The following DCTN4 variants were observed in gnomAD, a reference collection of about 807,000 sequenced individuals.
DCTN4 encodes dynactin 4 (p62).
A neutral mutation model predicts 62.7 loss-of-function variants in DCTN4; 23 were observed. That is an observed-to-expected ratio of 0.37 (90% CI 0.26 to 0.52). DCTN4 has a LOEUF of 0.52. DCTN4 is among the 20% of genes least tolerant of loss of function. The probability of loss-of-function intolerance (pLI) is 0.92; values close to 1 mark genes in which losing one functional copy is unlikely to be tolerated. For synonymous variants in DCTN4, 199 were observed against 202.1 expected (o/e 0.98, Z 0.13); for missense variants, 514 against 580.4 (o/e 0.89, Z 1.18).
In DCTN4 at chr5:150,744,896, A is replaced by C. The variant is rs374587638; in HGVS notation, c.386-2739T>G. On this transcript the variant is annotated intron_variant, in intron 3 of 12. Transcript: ENST00000447998. ...AACTGCATCAACTAACGAGCAAAAT[A>C]ACCAGCTAACATCATCATGACAGGA... Among the ~76,000 whole-genome samples, 44 of 151,800 alleles carry C rather than the reference A, an allele frequency of 2.9e-4. 1 individual carries two copies. Among genetic ancestry groups the C allele is most frequent in the East Asian group, 1.9e-3 (10 of 5,144 alleles).
intron 3 of DCTN4, among the ~76,000 whole-genome samples, chr5:150,743,902 A>T (rs10053143): frequency 0.14 from 20,681 of 152,198 alleles, 2,409 homozygotes; most frequent in African/African-American, 0.31. Flanking sequence ...TCCAAAGGAA[A>T]GCAGCTCCTC....
intron 5 of DCTN4, chr5:150,731,798 T>G: frequency 1.6e-6 from 2 of 1,248,768 alleles, no homozygotes; most frequent in Admixed American, 2.0e-5. Context: ...GTGGAGTGTC[T>G]AAGATACACA....
At chr5:150,732,500 A>C (rs1330344157) in intron 5 of DCTN4, among the ~76,000 whole-genome samples, 1 of 152,180 alleles carries the variant, frequency 6.6e-6, no homozygotes, top group Non-Finnish European at 1.5e-5. Context: ...GGTTTCAATG[A>C]CTTAACTAAT....
chr5:150,723,540 C>T (rs1760028728), intron 8 of DCTN4, among the ~76,000 whole-genome samples: 1 of 152,202 alleles, frequency 6.6e-6, no homozygotes, highest in Non-Finnish European at 1.5e-5. Flanking sequence ...ACAATCAAAG[C>T]TCACTACAGC....
At chr5:150,754,104 C>T (rs796357241) in intron 2 of DCTN4, among the ~76,000 whole-genome samples, 45 of 152,330 alleles carry the variant, frequency 3.0e-4, no homozygotes, top group African/African-American at 1.0e-3. Flanking sequence ...AGAAAGCAAA[C>T]AATGCTATCA....
At chr5:150,745,082 A>G (rs1760911425) in intron 3 of DCTN4, among the ~76,000 whole-genome samples, 1 of 150,632 alleles carries the variant, frequency 6.6e-6, no homozygotes, top group African/African-American at 2.5e-5. Flanking sequence ...CTCAAAATAA[A>G]AGGATGGAGG....
chr5:150,755,046 A>T (rs962547347), intron 2 of DCTN4, among the ~76,000 whole-genome samples: 1 of 152,142 alleles, frequency 6.6e-6, no homozygotes, highest in African/African-American at 2.4e-5. Flanking sequence ...GATCAAAGTA[A>T]TGAACAGAGA....
chr5:150,753,806 T>A, intron 2 of DCTN4, 149 bp from the exon 3 acceptor site: 1 of 721,514 alleles, frequency 1.4e-6, no homozygotes, highest in Non-Finnish European at 2.2e-6. Flanking sequence ...TCAAGAGTAC[T>A]ATATGTTCAT....
intron 3 of DCTN4, among the ~76,000 whole-genome samples, chr5:150,749,693 T>C (rs574387907): frequency 6.6e-6 from 1 of 152,114 alleles, no homozygotes; most frequent in East Asian, 1.9e-4. Flanking sequence ...TGGCAGCTTC[T>C]AGACAAATTA....
chr5:150,748,380 G>C lies in DCTN4; in HGVS notation c.385+5099C>G, dbSNP rs571745427. On this transcript the variant is annotated intron_variant, in intron 3 of 12. Transcript: ENST00000447998. ...CAACCGTTGTGGAAGTCAGTGTGGC[G>C]ATTCCTCAGGGATCTAGAACTAGAA... Among the ~76,000 whole-genome samples the C allele has an allele frequency of 9.9e-5, 15 of 152,154 alleles. No homozygotes were observed. In the East Asian group the frequency reaches 2.1e-3, roughly 22 times the overall value.
At chr5:150,720,659 G>C (rs548476681) in intron 9 of DCTN4, among the ~76,000 whole-genome samples, 5 of 151,938 alleles carry the variant, frequency 3.3e-5, no homozygotes, top group African/African-American at 4.8e-5. Context: ...TTGATTTTTT[G>C]TACAGATGAG....
chr5:150,738,073 T>C (rs1011806873), intron 4 of DCTN4, among the ~76,000 whole-genome samples: 7 of 150,846 alleles, frequency 4.6e-5, no homozygotes, highest in Non-Finnish European at 7.4e-5. Context: ...CAGGAAGAAA[T>C]AGGAACTCTG....
chr5:150,713,645 T>C (rs1014503211), intron 12 of DCTN4, among the ~76,000 whole-genome samples: 1 of 151,504 alleles, frequency 6.6e-6, no homozygotes, highest in African/African-American at 2.4e-5. Context: ...GATTTCGCCA[T>C]GTTGGCCAGG....
At chr5:150,742,305 A>G in intron 3 of DCTN4, 148 bp from the exon 4 acceptor site, 1 of 758,836 alleles carries the variant, frequency 1.3e-6, no homozygotes, top group Non-Finnish European at 2.2e-6. Context: ...TATAATGTTC[A>G]GAACAAAATT....
At chr5:150,757,453 T>C (rs1581609930) in intron 1 of DCTN4, among the ~76,000 whole-genome samples, 1 of 152,286 alleles carries the variant, frequency 6.6e-6, no homozygotes, top group Admixed American at 6.5e-5. Flanking sequence ...TAAACTCTAA[T>C]GGCCTCCATA....
intron 11 of DCTN4, among the ~76,000 whole-genome samples, chr5:150,717,122 G>A (rs569242555): frequency 1.3e-5 from 2 of 152,212 alleles, no homozygotes; most frequent in South Asian, 2.1e-4. Context: ...TTATGAATTA[G>A]TAATAGATGA....
rs1387173743 is a variant in DCTN4, at chr5:150,711,331, C to A, written c.1201G>T (p.Gly401Cys). The A allele has an allele frequency of 6.2e-7, 1 of 1,613,116 alleles. No individual in the cohort carries two copies. The highest frequency in any genetic ancestry group is 1.3e-5 in the African/African-American group (1 of 74,952). ...IIAFRKANKV[G>C]IFIKVTPQRE... ...TGTGGTGTAACTTTGATGAAAATAC[C>A]CACTTTGTTGGCCTTTCTGAAGGCT... Residue 401 changes from glycine to cysteine, a missense_variant, in exon 13 of 13, where the codon GGT (glycine) becomes TGT (cysteine). Gly to Cys is a radical substitution (Grantham distance 159). Coordinates refer to ENST00000447998, the MANE Select transcript of DCTN4 (RefSeq NM_016221.4).
chr5:150,714,183 C>T (rs1312327698), intron 12 of DCTN4, among the ~76,000 whole-genome samples: 14 of 152,120 alleles, frequency 9.2e-5, no homozygotes, highest in South Asian at 6.2e-4. Context: ...CAGCTCCAAG[C>T]GCACCTCTCT....
Position 150,722,943 on chromosome 5 carries a change from G to A in DCTN4, c.872C>T (p.Pro291Leu). The stretch of plus-strand genomic sequence containing the variant: ...CTGGATTTTGAATTTGATTGACGTT[G>A]GGTTAAATTCTGGCTTGCTCAAATT... ...EHNLSKPEFN[P>L]TSIKFKIQLV... Residue 291 changes from proline to leucine, a missense_variant, in exon 9 of 13, where the codon CCA (proline) becomes CTA (leucine). Physicochemically the swap from Pro to Leu is moderately conservative, Grantham distance 98. Coordinates refer to ENST00000447998, the MANE Select transcript of DCTN4 (RefSeq NM_016221.4). The A allele has an allele frequency of 6.2e-7, 1 of 1,612,616 alleles. No individual in the cohort carries two copies. Among genetic ancestry groups the A allele is most frequent in the African/African-American group, 1.3e-5 (1 of 74,932 alleles).
Sources: allele counts gnomAD v4.1 joint callset (sites outside exome capture counted in the v4.1 genomes callset), GRCh38; gene constraint gnomAD v4.1.1; transcripts MANE v1.5; gene names NCBI Gene and HGNC (gene_info 2026-07-23, HGNC 2026-07-21).